The following TMEM163 variants were observed in gnomAD, a reference collection of about 807,000 sequenced individuals.
TMEM163 encodes transmembrane protein 163.
A neutral mutation model predicts 29.3 loss-of-function variants in TMEM163; 17 were observed. The ratio of observed to expected loss-of-function variants is 0.58; its 90% CI spans 0.40 to 0.87. The LOEUF is 0.87. Among genes scored for constraint, TMEM163 ranks in the 40% least tolerant of loss-of-function variants. The probability of loss-of-function intolerance (pLI) is 0.00; values close to 1 mark genes in which losing one functional copy is unlikely to be tolerated. For synonymous variants in TMEM163, 157 were observed against 160.6 expected, an observed-to-expected ratio of 0.98 and a Z score of 0.17; for missense variants, 303 against 381.5, an observed-to-expected ratio of 0.79 and a Z score of 1.71.
intron 4 of TMEM163, among the ~76,000 whole-genome samples, chr2:134,544,156 A>G (rs1356288310): frequency 3.9e-5 from 6 of 152,136 alleles, no homozygotes; most frequent in African/African-American, 1.2e-4. Flanking sequence ...TGTGGCAAGC[A>G]TCCCATGGCC....
intron 4 of TMEM163, among the ~76,000 whole-genome samples, chr2:134,541,797 CACACAT>C (rs756835569): frequency 1.3e-3 from 182 of 138,238 alleles, no homozygotes; most frequent in East Asian, 3.8e-3. Flanking sequence ...CACACACACA[CACACAT>C]ACACACACAC....
chr2:134,664,742 C>T (rs1447747641), intron 2 of TMEM163, among the ~76,000 whole-genome samples: 4 of 152,142 alleles, frequency 2.6e-5, no homozygotes, highest in Admixed American at 6.6e-5. Context: ...CAACGAATGG[C>T]GGATTCTCTG....
At chr2:134,481,362 G>A (rs1446887302) in intron 5 of TMEM163, among the ~76,000 whole-genome samples, 1 of 138,328 alleles carries the variant, frequency 7.2e-6, no homozygotes, top group Non-Finnish European at 1.5e-5. Context: ...GACCTAGTGG[G>A]AGGTAATTGA....
At chr2:134,580,178 T>G (rs1365482622) in intron 2 of TMEM163, among the ~76,000 whole-genome samples, 1 of 152,220 alleles carries the variant, frequency 6.6e-6, no homozygotes, top group Non-Finnish European at 1.5e-5. Context: ...CACGGCACAT[T>G]AAATGCTAGA....
At position 134,696,878 on chromosome 2, in the gene TMEM163, C is replaced by T. The variant is rs146432325; in HGVS notation, c.322+16322G>A. Reference sequence around the variant, plus strand: ...GCAACCTCCACCTCCCAGGTTCAAGCGATTCTCCTTCCTCAGCCCCCCGAG... The same window carrying T: ...GCAACCTCCACCTCCCAGGTTCAAGTGATTCTCCTTCCTCAGCCCCCCGAG... On this transcript the variant is annotated intron_variant, in intron 2 of 7. Transcript: ENST00000281924. 8.3e-3 allele frequency among the ~76,000 whole-genome samples: 1,256 copies of T among 152,154 alleles called. 23 individuals carry two copies. Among genetic ancestry groups the T allele is most frequent in the African/African-American group, 0.029 (1,196 of 41,524 alleles).
chr2:134,493,360 G>GTTTTT (rs1484513661), intron 5 of TMEM163, among the ~76,000 whole-genome samples: 6 of 65,588 alleles, frequency 9.1e-5, no homozygotes, highest in African/African-American at 4.4e-4. Flanking sequence ...AGCTTTTGGT[G>GTTTTT]TCTTTTTTTT....
chr2:134,595,441 G>GA (rs1279561514), intron 2 of TMEM163, among the ~76,000 whole-genome samples: 1 of 152,170 alleles, frequency 6.6e-6, no homozygotes, highest in Non-Finnish European at 1.5e-5. Context: ...CAAGGGACAT[G>GA]AACTCATCAT....
intron 7 of TMEM163, among the ~76,000 whole-genome samples, chr2:134,457,622 G>A (rs985511483): frequency 2.0e-5 from 3 of 152,368 alleles, no homozygotes; most frequent in African/African-American, 7.2e-5. Context: ...GGCTAGGGAT[G>A]CGGCCTCTGG....
intron 4 of TMEM163, among the ~76,000 whole-genome samples, chr2:134,541,310 C>A (rs1353208842): frequency 1.3e-5 from 2 of 152,238 alleles, no homozygotes; most frequent in African/African-American, 4.8e-5. Flanking sequence ...GGAGAATTAG[C>A]ATTGCTGATA....
intron 1 of TMEM163, among the ~76,000 whole-genome samples, chr2:134,714,283 C>T (rs1476088616): frequency 6.6e-6 from 1 of 152,198 alleles, no homozygotes; most frequent in East Asian, 1.9e-4. Context: ...GCTTATTACA[C>T]CATCTCTGGT....
intron 4 of TMEM163, among the ~76,000 whole-genome samples, chr2:134,548,534 T>C (rs938125332): frequency 6.6e-6 from 1 of 152,230 alleles, no homozygotes; most frequent in Admixed American, 6.5e-5. Flanking sequence ...TCTTATTGAA[T>C]TCCTCAAATA....
intron 5 of TMEM163, among the ~76,000 whole-genome samples, chr2:134,493,150 C>T (rs1166363937): frequency 6.6e-6 from 1 of 152,052 alleles, no homozygotes; most frequent in Non-Finnish European, 1.5e-5. Flanking sequence ...TATAAATTAT[C>T]TGCATAAATC....
At chr2:134,464,518 C>T (rs1274697535) in intron 6 of TMEM163, among the ~76,000 whole-genome samples, 2 of 152,080 alleles carry the variant, frequency 1.3e-5, no homozygotes, top group African/African-American at 2.4e-5. Context: ...GTCCTGTAAC[C>T]CCCAACATCT....
At chr2:134,551,448 G>A (rs762942602) in intron 3 of TMEM163, among the ~76,000 whole-genome samples, 4 of 152,182 alleles carry the variant, frequency 2.6e-5, no homozygotes, top group East Asian at 1.9e-4. Context: ...CTAAAGCTAC[G>A]CGGCGGGGGT....
intron 2 of TMEM163, among the ~76,000 whole-genome samples, chr2:134,605,121 G>A (rs1266886166): frequency 2.0e-5 from 3 of 151,422 alleles, no homozygotes; most frequent in Non-Finnish European, 2.9e-5. Context: ...AGGTTACAGT[G>A]AGCTGGGATC....
intron 4 of TMEM163, among the ~76,000 whole-genome samples, chr2:134,549,022 C>T (rs1258489091): frequency 6.7e-6 from 1 of 149,682 alleles, no homozygotes. Flanking sequence ...TAGTTTTTTT[C>T]AACCACAAAT....
Position 134,558,483 on chromosome 2 carries a change from T to C in TMEM163, c.323-6392A>G, listed in dbSNP as rs548337320. Reference sequence around the variant, plus strand: ...AAGTCACACACCAGGCCAGAAAGCATATCAGCTGGAAATTCAAATTCAAAT... The same window carrying C: ...AAGTCACACACCAGGCCAGAAAGCACATCAGCTGGAAATTCAAATTCAAAT... On this transcript the variant is annotated intron_variant, in intron 2 of 7. Transcript: ENST00000281924. Among the ~76,000 whole-genome samples, 33 of 152,246 alleles carry C rather than the reference T, an allele frequency of 2.2e-4. No individual in the cohort carries two copies. In the South Asian group the frequency reaches 5.4e-3, roughly 25 times the overall value.
At chr2:134,471,008 C>CA (rs1244893465) in intron 5 of TMEM163, among the ~76,000 whole-genome samples, 9 of 152,196 alleles carry the variant, frequency 5.9e-5, no homozygotes, top group Admixed American at 3.9e-4. Flanking sequence ...CTGGTCTCTA[C>CA]AAAAAATGTA....
chr2:134,469,485 G>A (rs1262579668), intron 5 of TMEM163: 4 of 152,232 alleles, frequency 2.6e-5, no homozygotes. Context: ...TGCATATACT[G>A]CGTGCACAGA....
Sources: allele counts gnomAD v4.1 joint callset (sites outside exome capture counted in the v4.1 genomes callset), GRCh38; gene constraint gnomAD v4.1.1; transcripts MANE v1.5; gene names NCBI Gene and HGNC (gene_info 2026-07-23, HGNC 2026-07-21).